Variants in TBL1X observed in about 807,000 individuals in gnomAD.
TBL1X encodes transducin beta like 1 X-linked.
A neutral mutation model predicts 50.7 loss-of-function variants in TBL1X; 10 were observed. That is an observed-to-expected ratio of 0.20 (90% CI 0.12 to 0.33). TBL1X has a LOEUF of 0.33. Among genes scored for constraint, TBL1X ranks in the 10% least tolerant of loss-of-function variants. TBL1X has a pLI of 1.00. For synonymous variants in TBL1X, 190 were observed against 214.7 expected (o/e 0.88, Z 1.01); for missense variants, 340 against 504.4 (o/e 0.67, Z 3.12).
Position 9,688,250 on chromosome X carries a change from G to A in TBL1X, c.591G>A (p.Gly197=). ...AGAACAGAGAGGCCACGGTGAATGG[G>A]GAAGAGAACAGAGCACATTCAGTCA... ...PSKNREATVN[G]EENRAHSVNN... The change falls in exon 7 of 18, where the codon GGG becomes GGA. Residue 197 remains glycine (G), a synonymous_variant. Transcript: ENST00000645353. 1 of 1,195,115 alleles carries A rather than the reference G, an allele frequency of 8.4e-7. No individual in the cohort carries two copies.
intron 2 of TBL1X, chrX:9,560,543 C>T (rs1313983181): frequency 8.9e-6 from 1 of 112,411 alleles, no homozygotes; most frequent in Non-Finnish European, 1.9e-5. Flanking sequence ...TCTGCATGGA[C>T]AGCTGGTAAG....
chrX:9,578,352 C>T (rs937018787), intron 2 of TBL1X, among the ~76,000 whole-genome samples: 1 of 111,392 alleles, frequency 9.0e-6, no homozygotes, highest in African/African-American at 3.3e-5. Flanking sequence ...CCCCCCACCT[C>T]AGCCTCCCAA....
chrX:9,679,527 C>T (rs752309547), intron 5 of TBL1X, among the ~76,000 whole-genome samples: 18 of 112,293 alleles, frequency 1.6e-4, no homozygotes, highest in Middle Eastern at 9.3e-3. Flanking sequence ...CACCCTCACA[C>T]GATCTTTCAT....
At chrX:9,614,998 T>C (rs1305264800) in intron 2 of TBL1X, among the ~76,000 whole-genome samples, 1 of 111,663 alleles carries the variant, frequency 9.0e-6, no homozygotes, top group African/African-American at 3.3e-5. Context: ...TGGGAATACC[T>C]GGGTTTCTGA....
intron 2 of TBL1X, among the ~76,000 whole-genome samples, chrX:9,602,386 C>T (rs770979655): frequency 2.7e-5 from 3 of 109,707 alleles, no homozygotes; most frequent in South Asian, 7.9e-4. Context: ...GTACTATCTG[C>T]ATTTCAGCTT....
At chrX:9,706,348 GAAGA>G (rs1174905434) in intron 13 of TBL1X, among the ~76,000 whole-genome samples, 1 of 111,470 alleles carries the variant, frequency 9.0e-6, no homozygotes, top group Admixed American at 9.6e-5. Context: ...GATGGGGAGA[GAAGA>G]AAGAATGGAA....
chrX:9,534,268 A>G (rs1427891044), intron 2 of TBL1X, among the ~76,000 whole-genome samples: 2 of 111,584 alleles, frequency 1.8e-5, no homozygotes, highest in East Asian at 5.7e-4. Context: ...ATGTCTTCAG[A>G]AAACTGGGTT....
intron 5 of TBL1X, among the ~76,000 whole-genome samples, chrX:9,680,249 G>A (rs1365920367): frequency 6.3e-5 from 7 of 111,955 alleles, no homozygotes; most frequent in Non-Finnish European, 1.1e-4. Context: ...CATTCAGAAC[G>A]TAGCAGGCAT....
At chrX:9,553,071 A>G (rs1031826278) in intron 2 of TBL1X, among the ~76,000 whole-genome samples, 8 of 111,231 alleles carry the variant, frequency 7.2e-5, no homozygotes, top group Non-Finnish European at 1.3e-4. Flanking sequence ...GAAGTCCAGG[A>G]GGTTTAGGCT....
chrX:9,579,115 G>A (rs2082427187), intron 2 of TBL1X, among the ~76,000 whole-genome samples: 1 of 111,796 alleles, frequency 8.9e-6, no homozygotes, highest in Non-Finnish European at 1.9e-5. Flanking sequence ...GCCAGAGATG[G>A]AAAGTAAAAC....
At chrX:9,693,956 A>G (rs1206655456) in intron 11 of TBL1X, among the ~76,000 whole-genome samples, 2 of 111,903 alleles carry the variant, frequency 1.8e-5, no homozygotes, top group Non-Finnish European at 3.8e-5. Flanking sequence ...GCAGGGCTGC[A>G]GGGAGACACG....
chrX:9,709,532 C>A, intron 14 of TBL1X, 101 bp from the exon 15 acceptor site: 2 of 1,136,953 alleles, frequency 1.8e-6, no homozygotes, highest in South Asian at 4.1e-5. Flanking sequence ...CACCCTCCAC[C>A]CTGCCCTGGG....
At chrX:9,636,485 AAACAACAACAACAACAACAACAAC>A (rs60010378) in intron 2 of TBL1X, 3 of 101,524 alleles carry the variant, frequency 3.0e-5, no homozygotes, top group East Asian at 6.3e-4. Flanking sequence ...AAACAAAGCA[AAACAACAACAACAACAACAACAAC>A]AACAACAACA....
intron 2 of TBL1X, among the ~76,000 whole-genome samples, chrX:9,521,080 A>G (rs1471097930): frequency 2.7e-5 from 3 of 111,055 alleles, no homozygotes; most frequent in Non-Finnish European, 3.8e-5. Context: ...CCTGGGTGAC[A>G]GAGGGAGACC....
At chrX:9,714,287 C>G (rs1417626508) in intron 16 of TBL1X, among the ~76,000 whole-genome samples, 1 of 112,319 alleles carries the variant, frequency 8.9e-6, no homozygotes, top group Non-Finnish European at 1.9e-5. Flanking sequence ...CATATTATTA[C>G]ATTTAATCAT....
intron 2 of TBL1X, among the ~76,000 whole-genome samples, chrX:9,609,336 G>GGTTGTGTGTGT (rs1555900203): frequency 6.3e-5 from 6 of 94,773 alleles, no homozygotes; most frequent in African/African-American, 2.0e-4. Context: ...TTTTCTTCCA[G>GGTTGTGTGTGT]GTGTGTGTGT....
intron 1 of TBL1X, among the ~76,000 whole-genome samples, chrX:9,499,404 G>C (rs1342794605): frequency 8.9e-6 from 1 of 111,956 alleles, no homozygotes; most frequent in Non-Finnish European, 1.9e-5. Context: ...TGCTGTCCCT[G>C]GTAATGGAAG....
chrX:9,508,375 A>C (rs1401133268), intron 2 of TBL1X, among the ~76,000 whole-genome samples: 1 of 112,566 alleles, frequency 8.9e-6, no homozygotes, highest in Non-Finnish European at 1.9e-5. Flanking sequence ...ATGCAAATCA[A>C]AACCTCAATG....
At chrX:9,660,074 G>C (rs936523366) in intron 5 of TBL1X, among the ~76,000 whole-genome samples, 6 of 112,874 alleles carry the variant, frequency 5.3e-5, no homozygotes, top group Non-Finnish European at 1.1e-4. Context: ...CGGTGGATAA[G>C]CCCAGGCATC....
Sources: gnomAD v4.1 joint callset for allele counts (sites outside exome capture counted in the v4.1 genomes callset) on GRCh38, gnomAD v4.1.1 for gene constraint, MANE v1.5 for transcripts, NCBI Gene and HGNC (gene_info 2026-07-23, HGNC 2026-07-21) for gene names.